THSD7A: variants seen among roughly 807,000 people sequenced by gnomAD.
THSD7A encodes the protein thrombospondin type-1 domain-containing protein 7A.
A neutral mutation model predicts 231.3 loss-of-function variants in THSD7A; 96 were observed. The ratio of observed to expected loss-of-function variants is 0.41; its 90% CI spans 0.35 to 0.49. The LOEUF (loss-of-function observed/expected upper bound fraction) is 0.49, where lower values mean the gene tolerates loss of function less well. Ranked by LOEUF, THSD7A falls within the 20% of genes least tolerant of loss-of-function variation. The pLI, the probability that THSD7A is intolerant of heterozygous loss-of-function variation, is 0.05. For synonymous variants in THSD7A, 940 were observed against 743.3 expected, an observed-to-expected ratio of 1.26 and a Z score of -4.30; for missense variants, 2,290 against 2,070.2, an observed-to-expected ratio of 1.11 and a Z score of -2.06.
chr7:11,543,138 A>G (rs1320200428), intron 4 of THSD7A, 21 bp from the exon 5 acceptor site: 1 of 1,594,528 alleles, frequency 6.3e-7, no homozygotes, highest in Non-Finnish European at 8.6e-7. Context: ...ATACAGACAC[A>G]TATTAAAAAA....
At chr7:11,684,911 C>T (rs944319863) in intron 1 of THSD7A, among the ~76,000 whole-genome samples, 1 of 151,838 alleles carries the variant, frequency 6.6e-6, no homozygotes. Flanking sequence ...GCCAAAACAA[C>T]CAAAGCAATC....
chr7:11,585,174 T>C (rs1791346592), intron 4 of THSD7A, among the ~76,000 whole-genome samples: 1 of 152,204 alleles, frequency 6.6e-6, no homozygotes, highest in African/African-American at 2.4e-5. Flanking sequence ...AACTCTTACA[T>C]TACCTCTGGG....
intron 23 of THSD7A, among the ~76,000 whole-genome samples, chr7:11,390,814 C>G (rs559199063): frequency 6.6e-5 from 10 of 152,310 alleles, no homozygotes; most frequent in African/African-American, 2.4e-4. Flanking sequence ...AATGCTATTC[C>G]TTTCTGTTTG....
chr7:11,782,435 G>GA (rs1485594307), intron 1 of THSD7A, among the ~76,000 whole-genome samples: 1 of 151,980 alleles, frequency 6.6e-6, no homozygotes, highest in Non-Finnish European at 1.5e-5. Flanking sequence ...CACACACACA[G>GA]AAAAAGCAGC....
chr7:11,580,275 T>G (rs1791098925), intron 4 of THSD7A, among the ~76,000 whole-genome samples: 1 of 152,050 alleles, frequency 6.6e-6, no homozygotes, highest in African/African-American at 2.4e-5. Flanking sequence ...TTAAACTATA[T>G]TTTGAGGATA....
rs945839309 is a variant in THSD7A at position 11,578,878 on chromosome 7, C to T, written c.1453+11582G>A. On this transcript the variant is annotated intron_variant, in intron 4 of 27. Coordinates refer to ENST00000423059, the MANE Select transcript of THSD7A (RefSeq NM_015204.3). ...GCATCCACAAATACAAAACAGCTTC[C>T]GACACTGAGGACATGTAACTTTGTC... 4.6e-5 allele frequency among the ~76,000 whole-genome samples: 7 copies of T among 152,184 alleles called. 1 individual carries two copies. The highest frequency in any genetic ancestry group is 4.4e-5 in the Non-Finnish European group (3 of 67,996).
chr7:11,734,723 AT>A (rs1009296101), intron 1 of THSD7A, among the ~76,000 whole-genome samples: 27 of 152,020 alleles, frequency 1.8e-4, no homozygotes, highest in Admixed American at 9.2e-4. Context: ...CCTAAAGAAA[AT>A]TTTTTTCCCC....
At chr7:11,490,334 T>G (rs1276823588) in intron 6 of THSD7A, among the ~76,000 whole-genome samples, 2 of 152,154 alleles carry the variant, frequency 1.3e-5, no homozygotes, top group Non-Finnish European at 2.9e-5. Flanking sequence ...TTTCATTGAA[T>G]TTAACCCACC....
rs114262581 is a variant in THSD7A at position 11,546,606 on chromosome 7, C to A, written c.1454-3489G>T. 2.0e-5 allele frequency among the ~76,000 whole-genome samples: 3 copies of A among 152,110 alleles called. No individual in the cohort carries two copies. The South Asian group carries it at 6.2e-4, about 32-fold the overall frequency. On this transcript the variant is annotated intron_variant, in intron 4 of 27. Transcript: ENST00000423059. ...TTTCAAAGATTTAAGGAACATCAGC[C>A]CATACAGATGAGAGAAAAACCAGCA...
At chr7:11,570,756 G>T (rs576218672) in intron 4 of THSD7A, among the ~76,000 whole-genome samples, 214 of 152,280 alleles carry the variant, frequency 1.4e-3, no homozygotes, top group Non-Finnish European at 2.3e-3. Flanking sequence ...TGTCAGCATT[G>T]CTACCCAGCC....
At chr7:11,492,823 T>C (rs1406512132) in intron 6 of THSD7A, among the ~76,000 whole-genome samples, 1 of 150,958 alleles carries the variant, frequency 6.6e-6, no homozygotes, top group African/African-American at 2.4e-5. Flanking sequence ...GAACCCCATG[T>C]AAAAACACAA....
intron 1 of THSD7A, among the ~76,000 whole-genome samples, chr7:11,769,147 A>ATTTTTTTT (rs1562541356): frequency 5.6e-5 from 2 of 35,642 alleles, no homozygotes; most frequent in African/African-American, 8.6e-5. Context: ...ATATATATAT[A>ATTTTTTTT]TATATATTTT....
chr7:11,644,130 G>T (rs756217402), intron 1 of THSD7A, among the ~76,000 whole-genome samples: 1 of 150,956 alleles, frequency 6.6e-6, no homozygotes, highest in Non-Finnish European at 1.5e-5. Context: ...AGCTTATGAA[G>T]AATTCACAAT....
intron 6 of THSD7A, among the ~76,000 whole-genome samples, chr7:11,523,363 T>TTTGAGAA (rs1434361838): frequency 6.6e-6 from 1 of 152,100 alleles, no homozygotes; most frequent in East Asian, 1.9e-4. Flanking sequence ...ACCCCATTTC[T>TTTGAGAA]TTGAGAATTT....
At chr7:11,511,791 G>A (rs1246019258) in intron 6 of THSD7A, among the ~76,000 whole-genome samples, 1 of 152,120 alleles carries the variant, frequency 6.6e-6, no homozygotes, top group African/African-American at 2.4e-5. Flanking sequence ...ATTCAAGATG[G>A]ATTAAAAACT....
intron 1 of THSD7A, among the ~76,000 whole-genome samples, chr7:11,651,669 C>A (rs719914): frequency 6.6e-6 from 1 of 151,542 alleles, no homozygotes; most frequent in African/African-American, 2.4e-5. Flanking sequence ...ACTTTTAAAC[C>A]CCTTAGACCT....
intron 1 of THSD7A, among the ~76,000 whole-genome samples, chr7:11,781,035 A>AAAAAAAAAAAAT (rs1185567161): frequency 7.5e-6 from 1 of 133,702 alleles, no homozygotes; most frequent in Non-Finnish European, 1.6e-5. Context: ...AAAAAAAAAA[A>AAAAAAAAAAAAT]AAATTTATAG....
chr7:11,435,649 T>A (rs1784609974), intron 13 of THSD7A, among the ~76,000 whole-genome samples: 1 of 151,946 alleles, frequency 6.6e-6, no homozygotes, highest in African/African-American at 2.4e-5. Flanking sequence ...ATGCCTCATG[T>A]TTCAGATGCC....
chr7:11,379,260 T>C lies in THSD7A; in HGVS notation c.4611A>G (p.Glu1537=). ...AAGACATGACTTCAGTGTACCCTTCTTCACAATGGCATGTTTTTGTCTGCA... is the reference window on the plus strand; with the variant it reads ...AAGACATGACTTCAGTGTACCCTTCCTCACAATGGCATGTTTTTGTCTGCA... ...YCSETKTCHC[E]EGYTEVMSSN... The change falls in exon 26 of 28, where the codon GAA becomes GAG. Residue 1537 remains glutamate, a synonymous_variant. Transcript: ENST00000423059. 6.2e-7 allele frequency: 1 copy of C among 1,613,636 alleles called. No individual in the cohort carries two copies. The highest frequency in any genetic ancestry group is 8.5e-7 in the Non-Finnish European group (1 of 1,179,616).
Sources: allele counts gnomAD v4.1 joint callset (sites outside exome capture counted in the v4.1 genomes callset), GRCh38; gene constraint gnomAD v4.1.1; transcripts MANE v1.5; gene names NCBI Gene and HGNC (gene_info 2026-07-23, HGNC 2026-07-21).